VEPH1: variants seen among roughly 807,000 people sequenced by gnomAD.
VEPH1 encodes ventricular zone-expressed PH domain-containing protein homolog 1.
Under a neutral mutation model 85.2 loss-of-function variants are expected in VEPH1, and 80 were observed. The ratio of observed to expected loss-of-function variants is 0.94; its 90% CI spans 0.78 to 1.13. The LOEUF is 1.13. VEPH1 is among the 50% of genes most tolerant of loss of function. The pLI is 0.00. For missense variants in VEPH1, 955 were observed against 980.5 expected (o/e 0.97, Z 0.35); for synonymous variants, 297 against 348.0 (o/e 0.85, Z 1.63).
intron 11 of VEPH1, among the ~76,000 whole-genome samples, chr3:157,294,801 C>T (rs1030488156): frequency 2.6e-5 from 4 of 152,142 alleles, no homozygotes; most frequent in African/African-American, 9.7e-5. Context: ...AAAAAACAAG[C>T]TTTAGAAGTA....
At chr3:157,446,249 G>C (rs573405237) in intron 4 of VEPH1, among the ~76,000 whole-genome samples, 1 of 152,056 alleles carries the variant, frequency 6.6e-6, no homozygotes, top group East Asian at 1.9e-4. Flanking sequence ...GTTTGCCTAA[G>C]ACTGTCCCAT....
In VEPH1 at chr3:157,314,330, CAAAAAAAAAAAAAAAA is replaced by C. The variant is rs34703314; in HGVS notation, c.1876-591_1876-576del. Reference sequence around the variant, plus strand: ...CCTGGGTGACAGAGGGAGGATCCGTCAAAAAAAAAAAAAAAAAAAAAAAAAAAAAAAAATTAAACGA... The same window carrying C: ...CCTGGGTGACAGAGGGAGGATCCGTCAAAAAAAAAAAAAAAAATTAAACGA... On this transcript the variant is annotated intron_variant, in intron 10 of 13. Transcript: ENST00000362010. Among the ~76,000 whole-genome samples the C allele has an allele frequency of 6.1e-3, 265 of 43,210 alleles. 2 individuals are homozygous for C. The highest frequency in any genetic ancestry group is 0.012 in the African/African-American group (235 of 20,040). 28.3% of individuals were successfully genotyped at this position (43,210 alleles called of 152,430 possible). A position where few individuals can be genotyped will look rare whatever the true frequency, so the allele number is the denominator to read the frequency against.
chr3:157,437,819 G>T (rs1001299836), intron 4 of VEPH1: 83 of 1,464,374 alleles, frequency 5.7e-5, no homozygotes, highest in Non-Finnish European at 6.9e-5. Flanking sequence ...GAGGAGGCGG[G>T]GCGCGCCCTG....
chr3:157,269,815 T>C lies in VEPH1; in HGVS notation c.2129-4153A>G, dbSNP rs145463812. Among the ~76,000 whole-genome samples, 488 of 152,260 alleles carry C rather than the reference T, an allele frequency of 3.2e-3. 1 individual carries two copies. Among genetic ancestry groups the C allele is most frequent in the African/African-American group, 0.011 (452 of 41,550 alleles). Reference sequence around the variant, plus strand: ...TTTTTCTAAGATCATCATATTCCATTTGAAAAATAACATGTGGAATGATCT... The same window carrying C: ...TTTTTCTAAGATCATCATATTCCATCTGAAAAATAACATGTGGAATGATCT... On this transcript the variant is annotated intron_variant, in intron 12 of 13. Transcript: ENST00000362010.
chr3:157,323,774 C>T lies in VEPH1; in HGVS notation c.1736-6573G>A, dbSNP rs375908125. Among the ~76,000 whole-genome samples the T allele has an allele frequency of 3.1e-4, 47 of 152,110 alleles. 4 individuals are homozygous for T. The East Asian group carries it at 3.3e-3, about 11-fold the overall frequency. Reference sequence around the variant, plus strand: ...TATACAAGCCATAGGTGTACAAAGACCTATGCTTTGACCCTGATTTTGAGG... The same window carrying T: ...TATACAAGCCATAGGTGTACAAAGATCTATGCTTTGACCCTGATTTTGAGG... On this transcript the variant is annotated intron_variant, in intron 9 of 13. Coordinates refer to ENST00000362010, the MANE Select transcript of VEPH1 (RefSeq NM_001167912.2).
At chr3:157,418,430 G>A (rs1473820113) in intron 5 of VEPH1, among the ~76,000 whole-genome samples, 2 of 152,090 alleles carry the variant, frequency 1.3e-5, no homozygotes, top group Non-Finnish European at 2.9e-5. Flanking sequence ...TTAATTTACA[G>A]CAAACAACAT....
chr3:157,467,741 C>G (rs750132655), intron 3 of VEPH1, among the ~76,000 whole-genome samples: 1 of 152,202 alleles, frequency 6.6e-6, no homozygotes, highest in Non-Finnish European at 1.5e-5. Context: ...ACCGGCCCTA[C>G]ATGCTAGACT....
chr3:157,276,398 T>C (rs1225323903), intron 12 of VEPH1, among the ~76,000 whole-genome samples: 1 of 152,236 alleles, frequency 6.6e-6, no homozygotes, highest in East Asian at 1.9e-4. Context: ...GGAACCACCC[T>C]AAACTCACTG....
At chr3:157,500,189 C>A (rs1167713676) in intron 1 of VEPH1, among the ~76,000 whole-genome samples, 2 of 152,178 alleles carry the variant, frequency 1.3e-5, no homozygotes, top group African/African-American at 4.8e-5. Flanking sequence ...TACTGACACT[C>A]CGATGGAGAA....
chr3:157,448,163 T>C (rs1250989523), intron 4 of VEPH1, among the ~76,000 whole-genome samples: 1 of 152,084 alleles, frequency 6.6e-6, no homozygotes, highest in Non-Finnish European at 1.5e-5. Flanking sequence ...CACCAAGCAA[T>C]GGTTTGAAAT....
rs182246774 is a variant in VEPH1, at chr3:157,478,556, C to G, written c.139-8027G>C. ...GTGCAACTCAATGAAAAATACATGA[C>G]AGTCATCTGTGTCTTGGTCATGAAC... is the stretch of plus-strand genomic sequence containing the variant. On this transcript the variant is annotated intron_variant, in intron 2 of 13. Coordinates refer to ENST00000362010, the MANE Select transcript of VEPH1 (RefSeq NM_001167912.2). 2.6e-3 allele frequency among the ~76,000 whole-genome samples: 399 copies of G among 152,260 alleles called. 2 individuals carry two copies. The highest frequency in any genetic ancestry group is 8.6e-3 in the African/African-American group (358 of 41,566).
chr3:157,436,342 G>A (rs1307879669), intron 4 of VEPH1, among the ~76,000 whole-genome samples: 1 of 152,056 alleles, frequency 6.6e-6, no homozygotes, highest in Non-Finnish European at 1.5e-5. Context: ...AAGATAGCTC[G>A]GATTGGACTT....
At chr3:157,392,482 C>T (rs1384567287) in intron 6 of VEPH1, among the ~76,000 whole-genome samples, 1 of 152,124 alleles carries the variant, frequency 6.6e-6, no homozygotes, top group Non-Finnish European at 1.5e-5. Context: ...AAGATTTCAG[C>T]GGTGACATAG....
At chr3:157,440,407 T>C (rs1399750061) in intron 4 of VEPH1, among the ~76,000 whole-genome samples, 2 of 152,226 alleles carry the variant, frequency 1.3e-5, no homozygotes, top group African/African-American at 4.8e-5. Context: ...TGTAGGAATC[T>C]GACATAGTTT....
intron 2 of VEPH1, among the ~76,000 whole-genome samples, chr3:157,475,277 G>T (rs1033971595): frequency 2.0e-5 from 3 of 151,294 alleles, no homozygotes; most frequent in African/African-American, 7.3e-5. Context: ...ATAAGTGTGA[G>T]CCACCATGTC....
chr3:157,298,522 A>G (rs1291200620), intron 11 of VEPH1, among the ~76,000 whole-genome samples: 3 of 152,200 alleles, frequency 2.0e-5, no homozygotes, highest in Non-Finnish European at 4.4e-5. Context: ...GGACACTTGC[A>G]TAAACTAGGT....
intron 6 of VEPH1, among the ~76,000 whole-genome samples, chr3:157,390,144 G>A (rs1242499055): frequency 1.6e-4 from 24 of 152,224 alleles, no homozygotes; most frequent in Admixed American, 1.6e-3. Flanking sequence ...AGAAGAATAT[G>A]AAAAGTGTGG....
intron 11 of VEPH1, among the ~76,000 whole-genome samples, chr3:157,304,248 C>T (rs1191549066): frequency 6.6e-6 from 1 of 151,936 alleles, no homozygotes; most frequent in East Asian, 1.9e-4. Context: ...TGGGAACTAT[C>T]AAGTGTGTTT....
intron 4 of VEPH1, among the ~76,000 whole-genome samples, chr3:157,454,081 T>A (rs527789650): frequency 2.0e-5 from 3 of 152,148 alleles, no homozygotes; most frequent in Non-Finnish European, 4.4e-5. Flanking sequence ...TTTTCATAAA[T>A]CTGTTATTTG....
Sources: allele counts gnomAD v4.1 joint callset (sites outside exome capture counted in the v4.1 genomes callset), GRCh38; gene constraint gnomAD v4.1.1; transcripts MANE v1.5; gene names NCBI Gene and HGNC (gene_info 2026-07-23, HGNC 2026-07-21).